ERCC6L: variants seen among roughly 807,000 people sequenced by gnomAD.
ERCC6L encodes DNA excision repair protein ERCC-6-like.
Under a neutral mutation model 20.1 loss-of-function variants are expected in ERCC6L, and 7 were observed. The ratio of observed to expected loss-of-function variants is 0.35; its 90% CI spans 0.20 to 0.65. The LOEUF (loss-of-function observed/expected upper bound fraction) is 0.65, where lower values mean the gene tolerates loss of function less well. Among genes scored for constraint, ERCC6L ranks in the 30% least tolerant of loss-of-function variants. ERCC6L has a pLI of 0.69. For missense variants in ERCC6L, 592 were observed against 892.4 expected, an observed-to-expected ratio of 0.66 and a Z score of 4.29; for synonymous variants, 278 against 331.3, an observed-to-expected ratio of 0.84 and a Z score of 1.75.
At chrX:72,226,768 A>G (rs986542163) in intron 1 of ERCC6L, among the ~76,000 whole-genome samples, 4 of 111,519 alleles carry the variant, frequency 3.6e-5, no homozygotes, top group African/African-American at 1.3e-4. Context: ...AGAACACCAA[A>G]TACAGCAACT....
At chrX:72,228,170 G>A (rs148183998) in intron 1 of ERCC6L, among the ~76,000 whole-genome samples, 271 of 112,436 alleles carry the variant, frequency 2.4e-3, no homozygotes, top group Non-Finnish European at 4.2e-3. Flanking sequence ...GGGTGGAAGC[G>A]TCAGTTTATA....
At chrX:72,228,717 C>G (rs890921761) in intron 1 of ERCC6L, among the ~76,000 whole-genome samples, 1 of 111,281 alleles carries the variant, frequency 9.0e-6, no homozygotes, top group African/African-American at 3.3e-5. Flanking sequence ...GGACTTTACT[C>G]TTACCCAAAT....
intron 1 of ERCC6L, 42 bp downstream of exon 1, chrX:72,238,802 G>A (rs1227301942): frequency 8.8e-7 from 1 of 1,142,084 alleles, no homozygotes; most frequent in African/African-American, 1.8e-5. Context: ...TCCACCCTGG[G>A]CCAGGTCGGT....
In ERCC6L at chrX:72,205,415, T is replaced by C; in HGVS notation, c.3352A>G (p.Ser1118Gly). Residue 1118 changes from serine (S) to glycine (G), a missense_variant, in exon 2 of 2, where the codon AGT becomes GGT. Physicochemically the swap from Ser to Gly is moderately conservative, Grantham distance 56. Coordinates refer to ENST00000334463, the MANE Select transcript of ERCC6L (RefSeq NM_017669.4). The stretch of plus-strand genomic sequence containing the variant: ...TAATCTTCAGGACCCTTTGCTTCAC[T>C]GCTGTCGTCAAGTCTTTCCTCCATG... ...EDMEERLDDSSEAKGPEDYPE... is the reference protein window; with the variant it reads ...EDMEERLDDSGEAKGPEDYPE... The C allele has an allele frequency of 8.2e-7, 1 of 1,212,165 alleles. No homozygotes were observed. The highest frequency in any genetic ancestry group is 1.1e-6 in the Non-Finnish European group (1 of 895,629).
At chrX:72,223,263 C>A (rs1230081580) in intron 1 of ERCC6L, among the ~76,000 whole-genome samples, 2 of 100,758 alleles carry the variant, frequency 2.0e-5, no homozygotes, top group Non-Finnish European at 4.0e-5. Context: ...TCACTTGAAC[C>A]TGGGAGGCGG....
chrX:72,227,299 C>T (rs978254097), intron 1 of ERCC6L, among the ~76,000 whole-genome samples: 1 of 111,821 alleles, frequency 8.9e-6, no homozygotes. Flanking sequence ...TCAACACTTG[C>T]ACCAGCTCTA....
At position 72,206,433 on chromosome X, in the gene ERCC6L, A is replaced by C. The variant is rs780115534; in HGVS notation, c.2334T>G (p.Asp778Glu). 9.1e-6 allele frequency: 11 copies of C among 1,210,727 alleles called. No individual in the cohort carries two copies. The Admixed American group carries it at 2.4e-4, about 26-fold the overall frequency. ...GTTTCTCACCCTCTTTGGGCAGATC[A>C]TCAATGACTACACTTGCCATTTTGG... is the stretch of plus-strand genomic sequence containing the variant. Reference protein sequence around the residue: ...ISSKMASVVIDDLPKEGEKQD... With the variant: ...ISSKMASVVIEDLPKEGEKQD... The change falls in exon 2 of 2, where the codon GAT becomes GAG. Residue 778 changes from aspartate to glutamate, a missense_variant. By Grantham distance (45) the Asp-to-Glu change is conservative. Around this residue, in one of 3 missense-constraint regions of ERCC6L, gnomAD observed 352 missense variants for 402.6 expected, o/e 0.87. Coordinates refer to ENST00000334463, the MANE Select transcript of ERCC6L (RefSeq NM_017669.4).
At chrX:72,228,777 T>C (rs2042967354) in intron 1 of ERCC6L, among the ~76,000 whole-genome samples, 1 of 110,817 alleles carries the variant, frequency 9.0e-6, no homozygotes, top group Admixed American at 9.7e-5. Context: ...ATACCCTAAG[T>C]ACATCAACCT....
intron 1 of ERCC6L, among the ~76,000 whole-genome samples, chrX:72,220,941 A>C (rs2042919621): frequency 8.9e-6 from 1 of 111,952 alleles, no homozygotes. Context: ...CAACCCAGGA[A>C]GCAGTGGGCA....
chrX:72,205,196 C>T lies in ERCC6L; in HGVS notation c.3571G>A (p.Asp1191Asn). The T allele has an allele frequency of 8.3e-7, 1 of 1,211,627 alleles. No homozygotes were observed. The highest frequency in any genetic ancestry group is 1.1e-6 in the Non-Finnish European group (1 of 895,502). ...SGEQLVGSPQ[D>N]KAAEATNDYE... ...TCATTTGTAGCCTCTGCCGCCTTAT[C>T]CTGGGGAGAACCAACCAACTGTTCA... is the stretch of plus-strand genomic sequence containing the variant. Residue 1191 changes from aspartate to asparagine, a missense_variant, in exon 2 of 2, where the codon GAT becomes AAT. By Grantham distance (23) the Asp-to-Asn change is conservative (BLOSUM62 1). Transcript: ENST00000334463.
Position 72,206,877 on chromosome X carries a change from G to A in ERCC6L, c.1890C>T (p.Ile630=), listed in dbSNP as rs1421306483. 1.7e-6 allele frequency: 2 copies of A among 1,209,887 alleles called. No homozygotes were observed. The highest frequency in any genetic ancestry group is 2.2e-5 in the Admixed American group (1 of 45,719). Residue 630 remains isoleucine, a synonymous_variant, in exon 2 of 2, where the codon ATC becomes ATT. Coordinates refer to ENST00000334463, the MANE Select transcript of ERCC6L (RefSeq NM_017669.4). ...SKQELRELFT[I]EDLQNSVTQL... ...GGGTTACAGAGTTCTGAAGATCCTC[G>A]ATTGTAAAGAGCTCTCTTAATTCTT...
At chrX:72,232,296 A>T (rs1602452042) in intron 1 of ERCC6L, among the ~76,000 whole-genome samples, 1 of 90,763 alleles carries the variant, frequency 1.1e-5, no homozygotes, top group Non-Finnish European at 2.1e-5. Context: ...AAAAAAAAAA[A>T]AAGACAGCTG....
Position 72,208,046 on chromosome X carries a change from C to G in ERCC6L, c.721G>C (p.Ala241Pro). The G allele has an allele frequency of 8.3e-7, 1 of 1,211,724 alleles. No homozygotes were observed. Among genetic ancestry groups the G allele is most frequent in the African/African-American group, 1.7e-5 (1 of 57,819 alleles). The change falls in exon 2 of 2, where the codon GCA becomes CCA. Residue 241 changes from alanine (A) to proline (P), a missense_variant. Around this residue, in one of 3 missense-constraint regions of ERCC6L, gnomAD observed 196 missense variants for 440.1 expected, o/e 0.45. Coordinates refer to ENST00000334463, the MANE Select transcript of ERCC6L (RefSeq NM_017669.4). ...GCAGGAATAGCACGAGCACATATTG[C>G]TGACTTAGTAGATGAGGTTTTTATT... ...HKIKTSSTKS[A>P]ICARAIPASN...
At position 72,206,605 on chromosome X, in the gene ERCC6L, T is replaced by C; in HGVS notation, c.2162A>G (p.Gln721Arg). The change falls in exon 2 of 2, where the codon CAA becomes CGA. Residue 721 changes from glutamine to arginine, a missense_variant. Transcript: ENST00000334463. The stretch of plus-strand genomic sequence containing the variant: ...GGCCCCCTCATTTCTAGTTCTTTGT[T>C]GTTCCATCAGGAACTCTTTATTTTG... ...ESQNKEFLMEQQRTRNEGAWL... is the reference protein window; with the variant it reads ...ESQNKEFLMERQRTRNEGAWL... The C allele has an allele frequency of 8.3e-7, 1 of 1,211,480 alleles. No individual in the cohort carries two copies. The highest frequency in any genetic ancestry group is 1.1e-6 in the Non-Finnish European group (1 of 895,430).
intron 1 of ERCC6L, among the ~76,000 whole-genome samples, chrX:72,210,190 A>ACT (rs60310476): frequency 0.43 from 43,879 of 102,014 alleles, 8,789 homozygotes; most frequent in East Asian, 0.98. Flanking sequence ...ACATAGCGAG[A>ACT]CTGTCTCTTA....
At chrX:72,221,574 A>G (rs2302) in intron 1 of ERCC6L, among the ~76,000 whole-genome samples, 46,614 of 109,967 alleles carry the variant, frequency 0.42, 8,922 homozygotes, top group East Asian at 0.98. Flanking sequence ...AACCTCACCA[A>G]ACTTGGCTTA....
At chrX:72,233,146 A>G (rs2042995351) in intron 1 of ERCC6L, among the ~76,000 whole-genome samples, 1 of 111,605 alleles carries the variant, frequency 9.0e-6, no homozygotes, top group South Asian at 3.8e-4. Flanking sequence ...GAAAGTAGGA[A>G]AGTCAGATGT....
chrX:72,213,532 C>T (rs1040236845), intron 1 of ERCC6L, among the ~76,000 whole-genome samples: 26 of 111,728 alleles, frequency 2.3e-4, no homozygotes, highest in Admixed American at 2.3e-3. Flanking sequence ...GCTGAGCTTT[C>T]GCTCACCGTC....
Position 72,205,152 on chromosome X carries a change from C to T in ERCC6L, c.3615G>A (p.Lys1205=). The T allele has an allele frequency of 8.3e-7, 1 of 1,211,761 alleles. No individual in the cohort carries two copies. Among genetic ancestry groups the T allele is most frequent in the Non-Finnish European group, 1.1e-6 (1 of 895,521 alleles). Residue 1205 remains lysine (K), a synonymous_variant, in exon 2 of 2, where the codon AAG becomes AAA. Transcript: ENST00000334463. ...CACACTCTTTTAGTTCTTTTCCACG[C>T]TTTACAAGAGTCTCATAGTCATTTG... ...EATNDYETLV[K]RGKELKECGK... is the part of the protein sequence containing the mutation.
Sources: allele counts gnomAD v4.1 joint callset (sites outside exome capture counted in the v4.1 genomes callset), GRCh38; gene constraint gnomAD v4.1.1; regional missense constraint gnomAD v4.1.1; transcripts MANE v1.5; gene names NCBI Gene and HGNC (gene_info 2026-07-23, HGNC 2026-07-21).